Variants in PRIM2 observed in about 807,000 individuals in gnomAD.
PRIM2 encodes the protein DNA primase subunit 2, also known as DNA primase large subunit.
In PRIM2, 39 loss-of-function variants were observed where a neutral mutation model predicts 67.3. The ratio of observed to expected loss-of-function variants is 0.58; its 90% CI spans 0.45 to 0.76. PRIM2 has a LOEUF of 0.76. Among genes scored for constraint, PRIM2 ranks in the 30% least tolerant of loss-of-function variants. PRIM2 has a pLI of 0.00. For synonymous variants in PRIM2, 143 were observed against 198.7 expected, an observed-to-expected ratio of 0.72 and a Z score of 2.36; for missense variants, 398 against 598.7, an observed-to-expected ratio of 0.66 and a Z score of 3.50.
Position 57,389,692 on chromosome 6 carries a change from A to G in PRIM2, c.693+7524A>G, listed in dbSNP as rs572501398. ...TCACTAATTATTTGTTCGTTTGGAA[A>G]AATATGCTTTGTAGGCACTTGATCA... On this transcript the variant is annotated intron_variant, in intron 7 of 13. Transcript: ENST00000615550. Among the ~76,000 whole-genome samples, 3 of 152,324 alleles carry G rather than the reference A, an allele frequency of 2.0e-5. No individual in the cohort carries two copies. In the East Asian group the frequency reaches 5.8e-4, roughly 29 times the overall value.
At chr6:57,610,845 T>A (rs1425700205) in intron 12 of PRIM2, among the ~76,000 whole-genome samples, 3 of 152,178 alleles carry the variant, frequency 2.0e-5, no homozygotes, top group Non-Finnish European at 2.9e-5. Flanking sequence ...TGAACAATAC[T>A]GTCAACCAAC....
intron 10 of PRIM2, among the ~76,000 whole-genome samples, chr6:57,544,494 G>A (rs1184542413): frequency 2.2e-4 from 34 of 152,294 alleles, no homozygotes; most frequent in South Asian, 1.7e-3. Flanking sequence ...TCTGTCAGAT[G>A]TATTAAGTGA....
intron 8 of PRIM2, among the ~76,000 whole-genome samples, chr6:57,513,043 T>A (rs1774403488): frequency 6.6e-6 from 1 of 152,164 alleles, no homozygotes; most frequent in Non-Finnish European, 1.5e-5. Context: ...TAAACTTACT[T>A]AGACTTACAA....
intron 13 of PRIM2, among the ~76,000 whole-genome samples, chr6:57,635,913 T>C (rs1268906015): frequency 6.6e-5 from 10 of 152,328 alleles, no homozygotes; most frequent in African/African-American, 2.4e-4. Flanking sequence ...AACCTGCTTT[T>C]TAAAATTTTC....
intron 10 of PRIM2, among the ~76,000 whole-genome samples, chr6:57,550,951 A>AGT (rs1202185367): frequency 6.6e-6 from 1 of 152,156 alleles, no homozygotes; most frequent in African/African-American, 2.4e-5. Flanking sequence ...AGGGGCTTGA[A>AGT]GTGTGGGGCA....
intron 10 of PRIM2, among the ~76,000 whole-genome samples, chr6:57,579,557 T>C (rs1368299442): frequency 3.3e-5 from 5 of 152,140 alleles, no homozygotes; most frequent in Admixed American, 3.3e-4. Flanking sequence ...AATAATTTAA[T>C]CCTTCAGCAA....
At chr6:57,350,676 C>T (rs1768830878) in intron 5 of PRIM2, among the ~76,000 whole-genome samples, 1 of 152,114 alleles carries the variant, frequency 6.6e-6, no homozygotes, top group South Asian at 2.1e-4. Context: ...TTTTTTCCAG[C>T]AACAGCAGCC....
chr6:57,495,242 TTAAAC>T (rs1773977970), intron 7 of PRIM2, among the ~76,000 whole-genome samples: 1 of 152,198 alleles, frequency 6.6e-6, no homozygotes, highest in African/African-American at 2.4e-5. Flanking sequence ...TAGCTTAAAT[TTAAAC>T]TAAACCGAAT....
chr6:57,343,541 TAA>T (rs1768566863), intron 5 of PRIM2, among the ~76,000 whole-genome samples: 1 of 152,130 alleles, frequency 6.6e-6, no homozygotes, highest in Non-Finnish European at 1.5e-5. Flanking sequence ...CACACAGATG[TAA>T]CAGTAGAACA....
intron 4 of PRIM2, 90 bp from the exon 5 acceptor site, chr6:57,325,835 T>G: frequency 7.5e-7 from 1 of 1,332,614 alleles, no homozygotes; most frequent in South Asian, 1.4e-5. Flanking sequence ...GGCATCTTGC[T>G]GATGTTTGAA....
chr6:57,423,543 A>C (rs1158842206), intron 7 of PRIM2, among the ~76,000 whole-genome samples: 1 of 152,198 alleles, frequency 6.6e-6, no homozygotes, highest in African/African-American at 2.4e-5. Flanking sequence ...TGGCAAAGTC[A>C]GGAAGCTTGG....
At chr6:57,304,456 G>A in the PRIM2 span, among the ~76,000 whole-genome samples, 2 of 152,310 alleles carry the variant, frequency 1.3e-5, no homozygotes, top group South Asian at 2.1e-4. Flanking sequence ...AATTCCCACA[G>A]TGAAGGTCAT....
Position 57,630,122 on chromosome 6 carries a change from C to T in PRIM2, c.1231-2011C>T, listed in dbSNP as rs1172076178. On this transcript the variant is annotated intron_variant, in intron 12 of 13. Coordinates refer to ENST00000615550, the MANE Select transcript of PRIM2 (RefSeq NM_000947.5). ...AATAATACTTGTTTACCTCAAAAACCTCTATTGCCTTTTTTTCTCATCACA... is the reference window on the plus strand; with the variant it reads ...AATAATACTTGTTTACCTCAAAAACTTCTATTGCCTTTTTTTCTCATCACA... 1.8e-3 allele frequency among the ~76,000 whole-genome samples: 276 copies of T among 149,364 alleles called. 1 individual carries two copies. Among genetic ancestry groups the T allele is most frequent in the Middle Eastern group, 3.5e-3 (1 of 288 alleles).
intron 4 of PRIM2, among the ~76,000 whole-genome samples, chr6:57,324,757 CT>C (rs1767789851): frequency 6.6e-6 from 1 of 152,002 alleles, no homozygotes; most frequent in South Asian, 2.1e-4. Flanking sequence ...AAGTTAGTTG[CT>C]TTTTTAAAAA....
In PRIM2 at chr6:57,529,126, C is replaced by T. The variant is rs1303522974; in HGVS notation, c.762-3285C>T. ...GAGATCAACACCATCCTAGCTAACA[C>T]GGTGAAACCCCGTCACTACTCAAAA... On this transcript the variant is annotated intron_variant, in intron 8 of 13. Transcript: ENST00000615550. 1.4e-3 allele frequency among the ~76,000 whole-genome samples: 207 copies of T among 152,160 alleles called. 1 individual carries two copies. Among genetic ancestry groups the T allele is most frequent in the Admixed American group, 3.9e-3 (60 of 15,290 alleles).
At chr6:57,458,725 G>A (rs1772896891) in intron 7 of PRIM2, among the ~76,000 whole-genome samples, 1 of 152,096 alleles carries the variant, frequency 6.6e-6, no homozygotes, top group Non-Finnish European at 1.5e-5. Context: ...ACAAATCTAC[G>A]ATTATTTGAT....
chr6:57,347,455 T>C (rs530500063), intron 5 of PRIM2, among the ~76,000 whole-genome samples: 13 of 152,270 alleles, frequency 8.5e-5, no homozygotes, highest in South Asian at 8.3e-4. Flanking sequence ...TTTAACTTCT[T>C]CTTCTGTGGT....
intron 8 of PRIM2, among the ~76,000 whole-genome samples, chr6:57,518,558 A>G (rs1270445156): frequency 6.6e-6 from 1 of 152,160 alleles, no homozygotes; most frequent in Non-Finnish European, 1.5e-5. Context: ...GAATGAATGA[A>G]TAAATGAATG....
intron 5 of PRIM2, among the ~76,000 whole-genome samples, chr6:57,329,280 C>T (rs9464434): frequency 6.6e-6 from 1 of 151,856 alleles, no homozygotes; most frequent in East Asian, 1.9e-4. Flanking sequence ...TTAGCTCTTA[C>T]GTTTATATCT....
Sources: allele counts gnomAD v4.1 joint callset (sites outside exome capture counted in the v4.1 genomes callset), GRCh38; gene constraint gnomAD v4.1.1; transcripts MANE v1.5; gene names NCBI Gene and HGNC (gene_info 2026-07-23, HGNC 2026-07-21).